SCARA5: variants seen among roughly 807,000 people sequenced by gnomAD.
SCARA5 encodes the protein scavenger receptor class A member 5.
A neutral mutation model predicts 46.3 loss-of-function variants in SCARA5; 45 were observed. The ratio of observed to expected loss-of-function variants is 0.97; its 90% CI spans 0.76 to 1.24. The LOEUF (loss-of-function observed/expected upper bound fraction) is 1.24, where lower values mean the gene tolerates loss of function less well. Ranked by LOEUF, SCARA5 falls within the 50% of genes most tolerant of loss-of-function variation. The probability of loss-of-function intolerance (pLI) is 0.00; values close to 1 mark genes in which losing one functional copy is unlikely to be tolerated. For missense variants in SCARA5, 680 were observed against 689.0 expected (o/e 0.99, Z 0.15); for synonymous variants, 333 against 306.5 (o/e 1.09, Z -0.90).
chr8:27,907,452 A>G (rs1043451630), intron 5 of SCARA5, among the ~76,000 whole-genome samples: 41 of 152,038 alleles, frequency 2.7e-4, no homozygotes, highest in African/African-American at 9.7e-4. Flanking sequence ...TGTATCCATC[A>G]GGCTTGGGAT....
intron 7 of SCARA5, among the ~76,000 whole-genome samples, chr8:27,896,402 C>T (rs74912547): frequency 0.024 from 3,674 of 152,252 alleles, 57 homozygotes; most frequent in Middle Eastern, 0.065. Context: ...GATGCTTCTC[C>T]ACCTCTGCAC....
intron 3 of SCARA5, among the ~76,000 whole-genome samples, chr8:27,965,223 T>C (rs1429903216): frequency 6.6e-6 from 1 of 152,168 alleles, no homozygotes; most frequent in Non-Finnish European, 1.5e-5. Context: ...AACTGACTAG[T>C]CCCGCTTGAC....
intron 8 of SCARA5, among the ~76,000 whole-genome samples, chr8:27,874,457 G>T (rs1234507337): frequency 1.3e-5 from 2 of 152,228 alleles, no homozygotes; most frequent in Non-Finnish European, 2.9e-5. Context: ...CGTGAGCCAG[G>T]TCTGGCCAAT....
chr8:27,902,383 AC>A (rs1404568494), intron 7 of SCARA5, among the ~76,000 whole-genome samples: 1 of 151,824 alleles, frequency 6.6e-6, no homozygotes, highest in Non-Finnish European at 1.5e-5. Context: ...ACCTCCCTGC[AC>A]CGTAGCTCTG....
intron 7 of SCARA5, among the ~76,000 whole-genome samples, chr8:27,880,354 C>T (rs1436630331): frequency 7.0e-6 from 1 of 142,904 alleles, no homozygotes; most frequent in African/African-American, 2.6e-5. Flanking sequence ...GACAAGTGGA[C>T]GAGTGGGAAC....
chr8:27,890,550 G>A (rs964118476), intron 7 of SCARA5, among the ~76,000 whole-genome samples: 16 of 152,294 alleles, frequency 1.1e-4, no homozygotes, highest in Admixed American at 4.6e-4. Flanking sequence ...AGATGTGTGC[G>A]TGACTTTATG....
rs143793292 is a variant in SCARA5, at chr8:27,972,696, T to G, written c.113-6154A>C. Among the ~76,000 whole-genome samples, 535 of 152,196 alleles carry G rather than the reference T, an allele frequency of 3.5e-3. 2 individuals are homozygous for G. The highest frequency in any genetic ancestry group is 0.012 in the African/African-American group (506 of 41,534). On this transcript the variant is annotated intron_variant, in intron 2 of 8. Coordinates refer to ENST00000354914, the MANE Select transcript of SCARA5 (RefSeq NM_173833.6). ...CTGGGCAACATAATCTGACCCTATC[T>G]CTACAAAAAATTTTTTTAATTAGCC...
chr8:27,976,953 C>A (rs1044736475), intron 2 of SCARA5, among the ~76,000 whole-genome samples: 1 of 152,220 alleles, frequency 6.6e-6, no homozygotes, highest in Non-Finnish European at 1.5e-5. Flanking sequence ...GCTTAGCCAG[C>A]CCCCCTGCCT....
chr8:27,969,623 C>T (rs557125872), intron 2 of SCARA5, among the ~76,000 whole-genome samples: 7 of 152,218 alleles, frequency 4.6e-5, no homozygotes, highest in Non-Finnish European at 1.0e-4. Context: ...TGTTCAACAC[C>T]AAGAGTGAAC....
intron 3 of SCARA5, among the ~76,000 whole-genome samples, chr8:27,945,582 A>G (rs1039035111): frequency 6.6e-6 from 1 of 152,252 alleles, no homozygotes; most frequent in East Asian, 1.9e-4. Flanking sequence ...CAGGTTGTGC[A>G]AAGCAGCAGG....
At chr8:27,888,185 A>G (rs537288228) in intron 7 of SCARA5, among the ~76,000 whole-genome samples, 9 of 152,268 alleles carry the variant, frequency 5.9e-5, no homozygotes, top group East Asian at 1.9e-4. Context: ...CAGCCTCCCA[A>G]GTAGCTGGGA....
chr8:27,947,860 G>T (rs1808062944), intron 3 of SCARA5, among the ~76,000 whole-genome samples: 1 of 152,108 alleles, frequency 6.6e-6, no homozygotes, highest in African/African-American at 2.4e-5. Context: ...AGGTGACAGA[G>T]TGAAAAGATA....
At chr8:27,914,945 T>C (rs571448133) in intron 4 of SCARA5, among the ~76,000 whole-genome samples, 21 of 152,218 alleles carry the variant, frequency 1.4e-4, no homozygotes, top group Middle Eastern at 3.4e-3. Context: ...CCAGAACACA[T>C]GACGGGGTAG....
intron 3 of SCARA5, among the ~76,000 whole-genome samples, chr8:27,945,683 G>C (rs1001848759): frequency 6.6e-6 from 1 of 152,148 alleles, no homozygotes; most frequent in Non-Finnish European, 1.5e-5. Flanking sequence ...ATACTTCCTT[G>C]GTCCCCCTAT....
chr8:27,953,199 C>T (rs1341258486), intron 3 of SCARA5, among the ~76,000 whole-genome samples: 1 of 152,196 alleles, frequency 6.6e-6, no homozygotes, highest in Non-Finnish European at 1.5e-5. Context: ...CAAGGAGGCT[C>T]TCAAAAGATC....
chr8:27,987,423 G>A (rs1035219157), intron 2 of SCARA5, 81 bp downstream of exon 2: 2 of 897,998 alleles, frequency 2.2e-6, no homozygotes, highest in Non-Finnish European at 3.8e-6. Context: ...TAAAGGCAAT[G>A]CCAAGGTTGG....
intron 1 of SCARA5, among the ~76,000 whole-genome samples, chr8:27,989,259 C>T (rs1449560871): frequency 3.3e-5 from 5 of 151,250 alleles, no homozygotes; most frequent in Non-Finnish European, 5.9e-5. Context: ...ACTCATCCTC[C>T]TGAGTAGCTG....
chr8:27,978,686 T>A (rs1459419288), intron 2 of SCARA5, among the ~76,000 whole-genome samples: 1 of 152,084 alleles, frequency 6.6e-6, no homozygotes, highest in Non-Finnish European at 1.5e-5. Flanking sequence ...ATTTTTAAAA[T>A]TTTTTGTAGG....
At chr8:27,986,860 T>C (rs1808712836) in intron 2 of SCARA5, among the ~76,000 whole-genome samples, 1 of 152,230 alleles carries the variant, frequency 6.6e-6, no homozygotes, top group Non-Finnish European at 1.5e-5. Context: ...CTCTCTGACA[T>C]GTGCTGCATG....
Sources: gnomAD v4.1 joint callset for allele counts (sites outside exome capture counted in the v4.1 genomes callset) on GRCh38, gnomAD v4.1.1 for gene constraint, MANE v1.5 for transcripts, NCBI Gene and HGNC (gene_info 2026-07-23, HGNC 2026-07-21) for gene names.